The following MUCL1 variants were observed in gnomAD, a reference collection of about 807,000 sequenced individuals.
MUCL1 encodes mucin-like protein 1.
Under a neutral mutation model 9.2 loss-of-function variants are expected in MUCL1, and 11 were observed. That is an observed-to-expected ratio of 1.19 (90% CI 0.75 to 1.97). The LOEUF (loss-of-function observed/expected upper bound fraction) is 1.97, where lower values mean the gene tolerates loss of function less well. MUCL1 is among the 30% of genes most tolerant of loss of function. The pLI is 0.00. For synonymous variants in MUCL1, 48 were observed against 40.5 expected, an observed-to-expected ratio of 1.19 and a Z score of -0.71; for missense variants, 144 against 110.9, an observed-to-expected ratio of 1.30 and a Z score of -1.34.
Position 54,856,902 on chromosome 12 carries a change from C to T in MUCL1, c.223+10C>T, listed in dbSNP as rs747753345. The T allele has an allele frequency of 6.8e-6, 11 of 1,613,494 alleles. No homozygotes were observed. The highest frequency in any genetic ancestry group is 1.3e-5 in the African/African-American group (1 of 74,886). ...CGTAAAGACATTCCAGGTAGCAAGACTCCTCCATCTGTGTGCTTCCTTTAT... is the reference window on the plus strand; with the variant it reads ...CGTAAAGACATTCCAGGTAGCAAGATTCCTCCATCTGTGTGCTTCCTTTAT... On this transcript the variant is annotated intron_variant, in intron 3 of 3. Coordinates refer to ENST00000308796, the MANE Select transcript of MUCL1 (RefSeq NM_058173.3).
chr12:54,854,461 G>GA, upstream of MUCL1: 1 of 702,234 alleles, frequency 1.4e-6, no homozygotes, highest in South Asian at 1.9e-5. Context: ...CTGGTTGACA[G>GA]CTCCTGATTG....
At chr12:54,835,554 C>T (rs1263406882), upstream of MUCL1, among the ~76,000 whole-genome samples, 1 of 148,022 alleles carries the variant, frequency 6.8e-6, no homozygotes, top group Non-Finnish European at 1.5e-5. Flanking sequence ...ATTTGTATAT[C>T]TTCTTTTGAG....
At chr12:54,853,060 C>G (rs1443338759), upstream of MUCL1, among the ~76,000 whole-genome samples, 1 of 152,094 alleles carries the variant, frequency 6.6e-6, no homozygotes, top group African/African-American at 2.4e-5. Flanking sequence ...ATGGGGACCT[C>G]TTAGCATGTT....
chr12:54,846,079 C>T (rs751197207), intron 1 of MUCL1, among the ~76,000 whole-genome samples: 6 of 152,254 alleles, frequency 3.9e-5, no homozygotes, highest in Non-Finnish European at 7.4e-5. Context: ...CCTTCGAGCC[C>T]ATATGTGATC....
upstream of MUCL1, among the ~76,000 whole-genome samples, chr12:54,852,239 C>G (rs962703776): frequency 1.3e-5 from 2 of 152,154 alleles, no homozygotes; most frequent in African/African-American, 4.8e-5. Flanking sequence ...AGGCATCACA[C>G]TACCTGACTT....
At chr12:54,848,554 G>T (rs1279871534) in intron 1 of MUCL1, among the ~76,000 whole-genome samples, 1 of 152,092 alleles carries the variant, frequency 6.6e-6, no homozygotes, top group East Asian at 1.9e-4. Context: ...TTTTATAAAA[G>T]ATAATAAGTT....
chr12:54,838,861 AC>A (rs1959198635), upstream of MUCL1, among the ~76,000 whole-genome samples: 8 of 151,976 alleles, frequency 5.3e-5, no homozygotes, highest in South Asian at 1.7e-3. Flanking sequence ...GTTGGGTTTC[AC>A]CTTTCTCTTG....
chr12:54,837,269 AG>A (rs1322042543), upstream of MUCL1, among the ~76,000 whole-genome samples: 35 of 152,274 alleles, frequency 2.3e-4, no homozygotes, highest in African/African-American at 7.5e-4. Flanking sequence ...CTCCAGAGTT[AG>A]GTGCAATATA....
At chr12:54,847,396 G>A (rs775863212) in intron 1 of MUCL1, among the ~76,000 whole-genome samples, 6 of 152,076 alleles carry the variant, frequency 3.9e-5, no homozygotes, top group Admixed American at 6.5e-5. Flanking sequence ...CAGGTGGATC[G>A]TCTGAGGTCA....
At chr12:54,851,191 T>G (rs990984041), upstream of MUCL1, among the ~76,000 whole-genome samples, 32 of 152,176 alleles carry the variant, frequency 2.1e-4, no homozygotes, top group Non-Finnish European at 7.4e-5. Flanking sequence ...AATTTTGGTT[T>G]TGTTGCCATT....
At chr12:54,855,946 G>A (rs1157552367) in intron 2 of MUCL1, among the ~76,000 whole-genome samples, 6 of 152,226 alleles carry the variant, frequency 3.9e-5, no homozygotes, top group African/African-American at 1.4e-4. Flanking sequence ...CATGGATAGA[G>A]TGTGGGTTTG....
chr12:54,849,227 A>G (rs776100320), intron 1 of MUCL1, among the ~76,000 whole-genome samples: 1 of 152,170 alleles, frequency 6.6e-6, no homozygotes, highest in Non-Finnish European at 1.5e-5. Context: ...TTTGCCTATT[A>G]TAATAGGAAT....
chr12:54,850,333 C>T (rs917736886), upstream of MUCL1, among the ~76,000 whole-genome samples: 2 of 145,678 alleles, frequency 1.4e-5, no homozygotes, highest in Non-Finnish European at 3.0e-5. Flanking sequence ...CCACAGGCCC[C>T]GGTGTGTGAT....
upstream of MUCL1, among the ~76,000 whole-genome samples, chr12:54,834,496 G>A (rs1011038283): frequency 1.3e-5 from 2 of 151,856 alleles, no homozygotes; most frequent in East Asian, 1.9e-4. Context: ...TATCTTTAAA[G>A]TTTTGTATAT....
chr12:54,851,260 C>G (rs11609225), upstream of MUCL1, among the ~76,000 whole-genome samples: 6,701 of 152,162 alleles, frequency 0.044, 175 homozygotes, highest in Middle Eastern at 0.11. Context: ...ATGGTATTGC[C>G]TAGGTTTTCT....
chr12:54,836,994 CT>C (rs1204905363), upstream of MUCL1, among the ~76,000 whole-genome samples: 2 of 152,018 alleles, frequency 1.3e-5, no homozygotes, highest in Non-Finnish European at 2.9e-5. Context: ...TGTTTTATCT[CT>C]TATTATATGG....
At chr12:54,833,190 G>A (rs1243106965) in intron 1 of MUCL1, among the ~76,000 whole-genome samples, 2 of 151,910 alleles carry the variant, frequency 1.3e-5, no homozygotes, top group Non-Finnish European at 2.9e-5. Flanking sequence ...ATTCTGTTGT[G>A]CATGCATTCA....
upstream of MUCL1, among the ~76,000 whole-genome samples, chr12:54,834,873 G>C (rs1429427061): frequency 6.6e-6 from 1 of 152,044 alleles, no homozygotes; most frequent in Non-Finnish European, 1.5e-5. Flanking sequence ...TATCCAATAT[G>C]TAGGTTTTTA....
intron 1 of MUCL1, among the ~76,000 whole-genome samples, chr12:54,845,222 G>A (rs1474388281): frequency 2.0e-5 from 3 of 151,716 alleles, no homozygotes; most frequent in African/African-American, 7.3e-5. Context: ...ACTTTCATTG[G>A]GTATACTTTG....
Sources: gnomAD v4.1 joint callset for allele counts (sites outside exome capture counted in the v4.1 genomes callset) on GRCh38, gnomAD v4.1.1 for gene constraint, MANE v1.5 for transcripts, NCBI Gene and HGNC (gene_info 2026-07-23, HGNC 2026-07-21) for gene names.